Variants in UTS2B observed in about 807,000 individuals in gnomAD.
UTS2B encodes the protein urotensin-2B.
UTS2B carries 21 observed loss-of-function variants against 19.2 expected under a neutral mutation model. The observed-to-expected ratio is 1.09, with a 90% CI of 0.78 to 1.58. UTS2B has a LOEUF of 1.58. Ranked by LOEUF, UTS2B falls within the 40% of genes most tolerant of loss-of-function variation. UTS2B has a pLI of 0.00. For missense variants in UTS2B, 138 were observed against 130.3 expected, an observed-to-expected ratio of 1.06 and a Z score of -0.29; for synonymous variants, 57 against 50.2, an observed-to-expected ratio of 1.14 and a Z score of -0.58.
Position 191,284,710 on chromosome 3 carries a change from G to A in UTS2B, c.-124-2397C>T, listed in dbSNP as rs145183251. 3.3e-3 allele frequency among the ~76,000 whole-genome samples: 501 copies of A among 151,638 alleles called. 5 individuals are homozygous for A. The highest frequency in any genetic ancestry group is 0.014 in the Middle Eastern group (4 of 294). Reference sequence around the variant, plus strand: ...CTGAGGTGGGCGGGTCACGAGGCCAGGAGTTCATATTTATAATTTTGTTTC... The same window carrying A: ...CTGAGGTGGGCGGGTCACGAGGCCAAGAGTTCATATTTATAATTTTGTTTC... On this transcript the variant is annotated intron_variant, in intron 4 of 8. Coordinates refer to ENST00000340524, the MANE Select transcript of UTS2B (RefSeq NM_198152.5).
intron 3 of UTS2B, among the ~76,000 whole-genome samples, chr3:191,306,649 T>A (rs1027375969): frequency 1.3e-5 from 2 of 152,192 alleles, no homozygotes; most frequent in Admixed American, 6.5e-5. Context: ...TTGTTTTGTT[T>A]TGTTTGAGAC....
At chr3:191,337,470 G>A in the UTS2B span, among the ~76,000 whole-genome samples, 10 of 151,614 alleles carry the variant, frequency 6.6e-5, no homozygotes, top group African/African-American at 2.4e-4. Flanking sequence ...TCAGCCTCCC[G>A]AGTAGCTGGG....
rs1165514540 is a variant in UTS2B at position 191,329,647 on chromosome 3, A to G, written c.-665+767T>C. On this transcript the variant is annotated intron_variant, in intron 1 of 8. Transcript: ENST00000340524. Reference sequence around the variant, plus strand: ...CGGCGGTGACCGGGAAGCCCGCGTTAAAGGGGCAACCGGGACCCTGGCCCG... The same window carrying G: ...CGGCGGTGACCGGGAAGCCCGCGTTGAAGGGGCAACCGGGACCCTGGCCCG... The G allele has an allele frequency of 6.9e-6, 11 of 1,600,698 alleles. No homozygotes were observed. In the African/African-American group the frequency reaches 1.2e-4, roughly 18 times the overall value.
At chr3:191,320,389 T>A (rs562196378) in intron 2 of UTS2B, among the ~76,000 whole-genome samples, 6 of 152,242 alleles carry the variant, frequency 3.9e-5, no homozygotes, top group African/African-American at 1.4e-4. Flanking sequence ...GACAGGGCAG[T>A]GAGAAGGGAA....
intron 3 of UTS2B, among the ~76,000 whole-genome samples, chr3:191,307,059 T>C (rs1427973855): frequency 6.6e-6 from 1 of 152,186 alleles, no homozygotes; most frequent in Non-Finnish European, 1.5e-5. Context: ...GTACAGCCCA[T>C]GTAATTAAAC....
chr3:191,306,985 C>A (rs1340704533), intron 3 of UTS2B, among the ~76,000 whole-genome samples: 1 of 152,128 alleles, frequency 6.6e-6, no homozygotes, highest in Non-Finnish European at 1.5e-5. Flanking sequence ...ATTAACTAAC[C>A]CCTTCCAAAA....
chr3:191,276,890 T>C, intron 6 of UTS2B, 46 bp from the exon 7 acceptor site: 1 of 1,568,018 alleles, frequency 6.4e-7, no homozygotes, highest in South Asian at 1.1e-5. Flanking sequence ...TTGCAAGTAA[T>C]ATTTAATTTG....
At chr3:191,337,630 ACT>A in the UTS2B span, among the ~76,000 whole-genome samples, 1 of 152,024 alleles carries the variant, frequency 6.6e-6, no homozygotes, top group Non-Finnish European at 1.5e-5. Flanking sequence ...AGCATTAGCC[ACT>A]GCACCCAGCC....
the UTS2B span, among the ~76,000 whole-genome samples, chr3:191,343,819 A>G: frequency 6.6e-6 from 1 of 152,214 alleles, no homozygotes; most frequent in Non-Finnish European, 1.5e-5. Context: ...GGGTTTATTC[A>G]GTACCAGTTG....
chr3:191,275,491 T>C, intron 7 of UTS2B, 146 bp from the exon 8 acceptor site: 2 of 599,306 alleles, frequency 3.3e-6, no homozygotes, highest in Non-Finnish European at 6.0e-6. Context: ...CCATCCTGGC[T>C]AACACAGTGA....
chr3:191,307,842 T>A (rs1257611444), intron 3 of UTS2B, among the ~76,000 whole-genome samples: 2 of 150,158 alleles, frequency 1.3e-5, no homozygotes, highest in Non-Finnish European at 3.0e-5. Context: ...CTTCTCTTTT[T>A]TTTTTTTTTT....
intron 4 of UTS2B, among the ~76,000 whole-genome samples, chr3:191,303,606 G>T (rs570635391): frequency 1.3e-5 from 2 of 151,738 alleles, no homozygotes; most frequent in East Asian, 3.9e-4. Context: ...ATGTTACGAG[G>T]TTTAAAATCA....
chr3:191,326,712 T>C (rs914206243), intron 2 of UTS2B, among the ~76,000 whole-genome samples: 3 of 152,226 alleles, frequency 2.0e-5, no homozygotes, highest in Admixed American at 1.3e-4. Context: ...GTTACAGAAA[T>C]TCACCATATG....
At chr3:191,273,203 A>G (rs1400059798) in intron 8 of UTS2B, among the ~76,000 whole-genome samples, 1 of 152,180 alleles carries the variant, frequency 6.6e-6, no homozygotes, top group African/African-American at 2.4e-5. Context: ...TCTGATGAAG[A>G]CTAGTAAATA....
At position 191,276,751 on chromosome 3, in the gene UTS2B, G is replaced by A. The variant is rs1716246316; in HGVS notation, c.240+56C>T. ...ATTTTAAAAAACATTGTGTCAAGAAGAAATTTCCTTATAATTGTTATTAAA... is the reference window on the plus strand; with the variant it reads ...ATTTTAAAAAACATTGTGTCAAGAAAAAATTTCCTTATAATTGTTATTAAA... On this transcript the variant is annotated intron_variant, in intron 7 of 8. Transcript: ENST00000340524. 5 of 1,450,698 alleles carry A rather than the reference G, an allele frequency of 3.4e-6. No homozygotes were observed. In the East Asian group the frequency reaches 1.2e-4, roughly 34 times the overall value. The allele number at this position is 1,450,698 out of a possible 1,614,324, so 89.9% of individuals were successfully genotyped here.
chr3:191,309,933 ATT>A (rs559242866), intron 3 of UTS2B, among the ~76,000 whole-genome samples: 1 of 148,940 alleles, frequency 6.7e-6, no homozygotes, highest in African/African-American at 2.5e-5. Context: ...AGTCTTGAGA[ATT>A]TTTTTTTTCT....
At chr3:191,305,075 G>A (rs1029970580) in intron 3 of UTS2B, among the ~76,000 whole-genome samples, 9 of 152,222 alleles carry the variant, frequency 5.9e-5, no homozygotes, top group African/African-American at 2.2e-4. Flanking sequence ...TTATTGATGG[G>A]CATTTAGGTT....
At chr3:191,314,394 C>CT (rs2108606491) in intron 3 of UTS2B, among the ~76,000 whole-genome samples, 1 of 152,260 alleles carries the variant, frequency 6.6e-6, no homozygotes, top group Admixed American at 6.5e-5. Context: ...TTCTTGGACT[C>CT]TACTTTCCTC....
At chr3:191,299,407 G>A (rs1716935876) in intron 4 of UTS2B, among the ~76,000 whole-genome samples, 1 of 152,364 alleles carries the variant, frequency 6.6e-6, no homozygotes, top group Non-Finnish European at 1.5e-5. Context: ...GCTCTTCACA[G>A]CTCAGTTGCT....
Sources: gnomAD v4.1 joint callset for allele counts (sites outside exome capture counted in the v4.1 genomes callset) on GRCh38, gnomAD v4.1.1 for gene constraint, MANE v1.5 for transcripts, NCBI Gene and HGNC (gene_info 2026-07-23, HGNC 2026-07-21) for gene names.